ANKS1B: variants seen among roughly 807,000 people sequenced by gnomAD.
The protein encoded by ANKS1B is ankyrin repeat and sterile alpha motif domain containing 1B.
Under a neutral mutation model 148.3 loss-of-function variants are expected in ANKS1B, and 36 were observed. That is an observed-to-expected ratio of 0.24 (90% confidence interval 0.19 to 0.32). The LOEUF (loss-of-function observed/expected upper bound fraction) is 0.32. Ranked by LOEUF, ANKS1B falls within the 10% of genes least tolerant of loss-of-function variation. The pLI, the probability that ANKS1B is intolerant of heterozygous loss-of-function variation, is 1.00. For synonymous variants in ANKS1B, 542 were observed against 560.8 expected (o/e 0.97, Z 0.47); for missense variants, 1,157 against 1,542.6 (o/e 0.75, Z 4.19).
chr12:99,211,276 C>CG (rs2083308570), intron 14 of ANKS1B, among the ~76,000 whole-genome samples: 1 of 152,148 alleles, frequency 6.6e-6, no homozygotes, highest in Non-Finnish European at 1.5e-5. Flanking sequence ...GCTAAGGTGC[C>CG]ACATCACCAA....
chr12:99,148,714 T>C (rs1031970384), intron 15 of ANKS1B, among the ~76,000 whole-genome samples: 17 of 152,170 alleles, frequency 1.1e-4, no homozygotes, highest in Admixed American at 2.6e-4. Context: ...TTTGGTTCTA[T>C]CTCACACCAC....
At chr12:98,808,191 G>T (rs915222637) in intron 19 of ANKS1B, among the ~76,000 whole-genome samples, 2 of 152,080 alleles carry the variant, frequency 1.3e-5, no homozygotes, top group East Asian at 3.9e-4. Context: ...AAAGCAAACT[G>T]TATTTTATAT....
intron 1 of ANKS1B, among the ~76,000 whole-genome samples, chr12:99,921,202 T>C (rs564523715): frequency 7.2e-5 from 11 of 152,212 alleles, no homozygotes; most frequent in South Asian, 2.1e-4. Context: ...GGAAGGTGAT[T>C]GGATCATGGG....
intron 24 of ANKS1B, among the ~76,000 whole-genome samples, chr12:98,773,796 G>A (rs961710765): frequency 6.6e-6 from 1 of 152,140 alleles, no homozygotes; most frequent in African/African-American, 2.4e-5. Context: ...GCATTTGACT[G>A]TTTCCATTCC....
chr12:99,701,833 G>C (rs942038703), intron 8 of ANKS1B, among the ~76,000 whole-genome samples: 1 of 151,990 alleles, frequency 6.6e-6, no homozygotes, highest in African/African-American at 2.4e-5. Context: ...TTTATATAAC[G>C]TCCTCTAGTT....
At chr12:99,790,953 G>A (rs2065572826) in intron 4 of ANKS1B, among the ~76,000 whole-genome samples, 3 of 151,970 alleles carry the variant, frequency 2.0e-5, no homozygotes, top group Non-Finnish European at 4.4e-5. Context: ...TGTATATGGA[G>A]TAAACTCTCC....
At chr12:99,603,966 T>C (rs2097828119) in intron 9 of ANKS1B, among the ~76,000 whole-genome samples, 1 of 152,140 alleles carries the variant, frequency 6.6e-6, no homozygotes, top group Non-Finnish European at 1.5e-5. Context: ...ATCCCAAAGT[T>C]ATCAGAAACC....
At chr12:99,255,273 T>C (rs1315541598) in intron 12 of ANKS1B, among the ~76,000 whole-genome samples, 1 of 152,122 alleles carries the variant, frequency 6.6e-6, no homozygotes, top group African/African-American at 2.4e-5. Context: ...AATTCACTGG[T>C]ACAAAATTAT....
chr12:99,742,709 A>G (rs925129008), intron 8 of ANKS1B, among the ~76,000 whole-genome samples: 3 of 151,810 alleles, frequency 2.0e-5, no homozygotes, highest in African/African-American at 7.3e-5. Context: ...GTGGTGGTGC[A>G]CAACTGTAAT....
intron 1 of ANKS1B, among the ~76,000 whole-genome samples, chr12:99,927,308 A>T (rs1347335399): frequency 6.6e-6 from 1 of 152,220 alleles, no homozygotes; most frequent in Non-Finnish European, 1.5e-5. Context: ...GTCAGTCACA[A>T]CTAGAGAAGA....
intron 15 of ANKS1B, among the ~76,000 whole-genome samples, chr12:99,109,065 C>T (rs1018489536): frequency 1.3e-5 from 2 of 152,148 alleles, no homozygotes; most frequent in African/African-American, 4.8e-5. Flanking sequence ...TCTTCAGCTT[C>T]TTTCTCTTCT....
chr12:99,970,737 C>G (rs908384826), intron 1 of ANKS1B, among the ~76,000 whole-genome samples: 11 of 152,168 alleles, frequency 7.2e-5, no homozygotes, highest in African/African-American at 2.4e-4. Flanking sequence ...CTTTCTCCAA[C>G]TTGTCTGGAA....
chr12:98,807,175 C>CT (rs2153612678), intron 20 of ANKS1B, among the ~76,000 whole-genome samples: 1 of 152,210 alleles, frequency 6.6e-6, no homozygotes, highest in African/African-American at 2.4e-5. Flanking sequence ...TAGAAATAAA[C>CT]TTTTTCTAAA....
At chr12:99,727,511 C>T (rs989604030) in intron 8 of ANKS1B, among the ~76,000 whole-genome samples, 4 of 152,138 alleles carry the variant, frequency 2.6e-5, no homozygotes, top group Non-Finnish European at 4.4e-5. Flanking sequence ...AATGGAAAAA[C>T]ATTCCATCCT....
chr12:99,347,464 TTGAAG>T (rs2090860927), intron 12 of ANKS1B, among the ~76,000 whole-genome samples: 1 of 151,964 alleles, frequency 6.6e-6, no homozygotes, highest in South Asian at 2.1e-4. Flanking sequence ...GGAAATGAAG[TTGAAG>T]GCAGAGTTGT....
At chr12:99,751,613 T>C (rs1054255115) in intron 8 of ANKS1B, among the ~76,000 whole-genome samples, 2 of 152,106 alleles carry the variant, frequency 1.3e-5, no homozygotes, top group South Asian at 2.1e-4. Context: ...CTTTTGTTCA[T>C]TGATTCAAAA....
chr12:99,375,395 C>T (rs73151127), intron 12 of ANKS1B, among the ~76,000 whole-genome samples: 4 of 152,308 alleles, frequency 2.6e-5, no homozygotes, highest in Non-Finnish European at 5.9e-5. Flanking sequence ...GCTCACCTCT[C>T]AGGTCTGTCC....
intron 10 of ANKS1B, among the ~76,000 whole-genome samples, chr12:99,450,389 G>C (rs150478433): frequency 6.6e-6 from 1 of 152,092 alleles, no homozygotes; most frequent in African/African-American, 2.4e-5. Context: ...GGCATCTCAC[G>C]GACTAGTTAA....
At chr12:99,090,119 T>C (rs1326513441) in intron 15 of ANKS1B, among the ~76,000 whole-genome samples, 1 of 152,210 alleles carries the variant, frequency 6.6e-6, no homozygotes, top group Admixed American at 6.5e-5. Context: ...TCAGCTGTGA[T>C]AAACTGTTAG....
Sources: gnomAD v4.1 joint callset for allele counts (sites outside exome capture counted in the v4.1 genomes callset) on GRCh38, gnomAD v4.1.1 for gene constraint, MANE v1.5 for transcripts, NCBI Gene and HGNC (gene_info 2026-07-23, HGNC 2026-07-21) for gene names.